CDH3: variants seen among roughly 807,000 people sequenced by gnomAD.
CDH3 encodes cadherin-3.
A neutral mutation model predicts 82.0 loss-of-function variants in CDH3; 54 were observed. That is an observed-to-expected ratio of 0.66 (90% CI 0.53 to 0.83). The LOEUF is 0.83. Among genes scored for constraint, CDH3 ranks in the 40% least tolerant of loss-of-function variants. The probability of loss-of-function intolerance (pLI) is 0.00; values close to 1 mark genes in which losing one functional copy is unlikely to be tolerated. For missense variants in CDH3, 1,054 were observed against 1,084.6 expected, an observed-to-expected ratio of 0.97 and a Z score of 0.40; for synonymous variants, 446 against 437.9, an observed-to-expected ratio of 1.02 and a Z score of -0.23.
At chr16:68,659,727 C>A (rs1049645150) in intron 2 of CDH3, among the ~76,000 whole-genome samples, 1 of 151,224 alleles carries the variant, frequency 6.6e-6, no homozygotes, top group Non-Finnish European at 1.5e-5. Context: ...GAAATAAACA[C>A]GTGAAATTTC....
chr16:68,731,956 A>G (rs1166216482), downstream of CDH3, among the ~76,000 whole-genome samples: 1 of 152,186 alleles, frequency 6.6e-6, no homozygotes, highest in Non-Finnish European at 1.5e-5. Flanking sequence ...GCAAAAAACT[A>G]CTGTTGGGGC....
At chr16:68,652,577 T>C (rs531443991) in intron 2 of CDH3, among the ~76,000 whole-genome samples, 3 of 152,302 alleles carry the variant, frequency 2.0e-5, no homozygotes, top group African/African-American at 7.2e-5. Context: ...CTCGATGTTA[T>C]TGAAGAATAA....
downstream of CDH3, among the ~76,000 whole-genome samples, chr16:68,705,070 C>T (rs7187525): frequency 4.6e-5 from 7 of 151,744 alleles, no homozygotes; most frequent in South Asian, 2.1e-4. Flanking sequence ...TCAAAAAAAA[C>T]GAAAAAATGA....
At chr16:68,660,563 T>C (rs912799699) in intron 2 of CDH3, among the ~76,000 whole-genome samples, 3 of 152,190 alleles carry the variant, frequency 2.0e-5, no homozygotes, top group Non-Finnish European at 2.9e-5. Context: ...GTTCTTATTT[T>C]CCCCCCAAGA....
chr16:68,708,253 G>A (rs1003778690), intron 1 of CDH3, among the ~76,000 whole-genome samples: 2 of 152,000 alleles, frequency 1.3e-5, no homozygotes, highest in African/African-American at 2.4e-5. Context: ...CTTGAACCTG[G>A]GAGGTGGAGG....
intron 13 of CDH3, among the ~76,000 whole-genome samples, chr16:68,692,388 T>A (rs553551336): frequency 6.6e-5 from 10 of 152,294 alleles, no homozygotes; most frequent in African/African-American, 2.2e-4. Context: ...TAGGTCTTTC[T>A]GGGGCTTGTG....
chr16:68,726,955 C>T (rs1437803711), intron 2 of CDH3, among the ~76,000 whole-genome samples: 1 of 152,084 alleles, frequency 6.6e-6, no homozygotes, highest in Non-Finnish European at 1.5e-5. Flanking sequence ...ACCCAGATAG[C>T]TCATAAAGCA....
intron 2 of CDH3, among the ~76,000 whole-genome samples, chr16:68,657,560 CAG>C (rs1960440701): frequency 6.6e-6 from 1 of 152,164 alleles, no homozygotes; most frequent in African/African-American, 2.4e-5. Flanking sequence ...TCTTTGAACT[CAG>C]GACTCTGGCT....
chr16:68,651,865 C>A (rs1441930345), intron 2 of CDH3: 1 of 459,792 alleles, frequency 2.2e-6, no homozygotes, highest in Non-Finnish European at 4.4e-6. Flanking sequence ...AGCTCTGCCT[C>A]CTTCTGGGGG....
intron 8 of CDH3, 125 bp downstream of exon 8, chr16:68,681,221 T>G (rs1961220895): frequency 5.9e-6 from 6 of 1,013,712 alleles, no homozygotes; most frequent in Non-Finnish European, 9.2e-6. Context: ...CTGTGTGACC[T>G]TAGGAAAACT....
intron 2 of CDH3, among the ~76,000 whole-genome samples, chr16:68,655,118 C>T (rs1960379332): frequency 6.6e-6 from 1 of 152,148 alleles, no homozygotes; most frequent in Non-Finnish European, 1.5e-5. Context: ...CTCAAGCAAT[C>T]GTCTTGCCTC....
intron 2 of CDH3, among the ~76,000 whole-genome samples, chr16:68,723,703 G>T: frequency 6.6e-6 from 1 of 152,124 alleles, no homozygotes. Flanking sequence ...GGCCAAGGTG[G>T]GTGGATCACT....
At chr16:68,678,389 C>G in intron 4 of CDH3, 112 bp downstream of exon 4, 1 of 1,578,808 alleles carries the variant, frequency 6.3e-7, no homozygotes, top group African/African-American at 1.3e-5. Flanking sequence ...AAAAACCTCT[C>G]CTGTTCAGTG....
In CDH3 at chr16:68,678,923, G is replaced by T; in HGVS notation, c.691+17G>T. ...TCCTACCAGGTAAGAGGACTGGGAA[G>T]GGGACTGCTACGGGGCTGGGCCCAC... On this transcript the variant is annotated intron_variant, in intron 6 of 15. Transcript: ENST00000264012. 1 of 1,612,748 alleles carries T rather than the reference G, an allele frequency of 6.2e-7. No individual in the cohort carries two copies. Among genetic ancestry groups the T allele is most frequent in the Non-Finnish European group, 8.5e-7 (1 of 1,179,530 alleles).
intron 3 of CDH3, 101 bp downstream of exon 3, chr16:68,676,571 A>T: frequency 1.1e-6 from 1 of 886,748 alleles, no homozygotes; most frequent in Non-Finnish European, 1.9e-6. Context: ...ATTGTGAGCC[A>T]AGTCAGCCCT....
downstream of CDH3, among the ~76,000 whole-genome samples, chr16:68,701,389 T>C (rs1961891200): frequency 6.6e-6 from 1 of 152,136 alleles, no homozygotes; most frequent in African/African-American, 2.4e-5. Context: ...AACATTTGCA[T>C]TGGTAAGACA....
At chr16:68,653,127 C>G (rs1476111619) in intron 2 of CDH3, among the ~76,000 whole-genome samples, 1 of 152,122 alleles carries the variant, frequency 6.6e-6, no homozygotes, top group East Asian at 1.9e-4. Context: ...CATTCTCCCA[C>G]CCCAACAGTC....
At chr16:68,714,786 G>A (rs1409621444) in intron 1 of CDH3, among the ~76,000 whole-genome samples, 3 of 152,216 alleles carry the variant, frequency 2.0e-5, no homozygotes, top group Non-Finnish European at 4.4e-5. Flanking sequence ...GGAAGCGGAG[G>A]CAGGAGGATT....
chr16:68,712,069 G>A (rs866739137), intron 1 of CDH3, among the ~76,000 whole-genome samples: 5 of 122,842 alleles, frequency 4.1e-5, no homozygotes, highest in Admixed American at 1.0e-4. Flanking sequence ...ACAGACTCTC[G>A]CGATGTCACC....
Sources: allele counts gnomAD v4.1 joint callset (sites outside exome capture counted in the v4.1 genomes callset), GRCh38; gene constraint gnomAD v4.1.1; transcripts MANE v1.5; gene names NCBI Gene and HGNC (gene_info 2026-07-23, HGNC 2026-07-21).